Variants in DNAH17 observed in about 807,000 individuals in gnomAD.
DNAH17 encodes axonemal beta dynein heavy chain 17.
In DNAH17, 376 loss-of-function variants were observed where a neutral mutation model predicts 485.6. The ratio of observed to expected loss-of-function variants is 0.77; its 90% CI spans 0.71 to 0.84. DNAH17 has a LOEUF of 0.84. DNAH17 is among the 40% of genes least tolerant of loss of function. The pLI, the probability that DNAH17 is intolerant of heterozygous loss-of-function variation, is 0.00. For missense variants in DNAH17, 6,370 were observed against 5,839.3 expected (o/e 1.09, Z -2.96); for synonymous variants, 3,031 against 2,405.9 (o/e 1.26, Z -7.60).
rs537190351 is a variant in DNAH17, at chr17:78,472,529, G to T, written c.8511+2749C>A. On this transcript the variant is annotated intron_variant, in intron 54 of 80. Coordinates refer to ENST00000389840, the MANE Select transcript of DNAH17 (RefSeq NM_173628.4). ...CCACGGCCCCTCATTCTGCTGACAG[G>T]CTTTCTTCATGGGGCAGCCCAGCTC... is the stretch of plus-strand genomic sequence containing the variant. 6.7e-5 allele frequency: 19 copies of T among 281,824 alleles called. 1 individual carries two copies. Among genetic ancestry groups the T allele is most frequent in the Middle Eastern group, 1.2e-3 (1 of 810 alleles). The allele number at this position is 281,824 out of a possible 1,614,324, so 17.5% of individuals were successfully genotyped here.
chr17:78,520,385 AAG>A (rs1345222870), intron 25 of DNAH17, among the ~76,000 whole-genome samples: 1 of 152,232 alleles, frequency 6.6e-6, no homozygotes, highest in African/African-American at 2.4e-5. Context: ...TAAGGCAAGA[AAG>A]AGAAGTAAAA....
intron 75 of DNAH17, among the ~76,000 whole-genome samples, chr17:78,429,708 C>T (rs995697485): frequency 1.3e-5 from 2 of 152,202 alleles, no homozygotes; most frequent in Admixed American, 1.3e-4. Context: ...ATCTGAGACT[C>T]TGCCCTTCAC....
chr17:78,483,967 G>A (rs766267871), intron 48 of DNAH17, among the ~76,000 whole-genome samples: 3 of 151,436 alleles, frequency 2.0e-5, no homozygotes, highest in Non-Finnish European at 2.9e-5. Context: ...GTGGTGGTGG[G>A]CACCTGTATT....
intron 20 of DNAH17, among the ~76,000 whole-genome samples, chr17:78,531,320 T>G (rs1268399453): frequency 6.6e-6 from 1 of 151,974 alleles, no homozygotes; most frequent in African/African-American, 2.4e-5. Flanking sequence ...TTTTACTGTT[T>G]GTGACATAAA....
chr17:78,561,850 A>T lies in DNAH17; in HGVS notation c.1700T>A (p.Met567Lys), dbSNP rs1053496667. ...DNAKILYDAQ[M>K]AASEEGNIPL... is the part of the protein sequence containing the mutation. The stretch of plus-strand genomic sequence containing the variant: ...GATGTTCCCCTCCTCGGAGGCCGCC[A>T]TCTGGGCATCGTACAAGATCTTAGC... Residue 567 changes from methionine (M) to lysine (K), a missense_variant, in exon 12 of 81, where the codon ATG (methionine) becomes AAG (lysine). Physicochemically the swap from Met to Lys is moderately conservative, Grantham distance 95. Transcript: ENST00000389840. The T allele has an allele frequency of 3.1e-6, 5 of 1,613,838 alleles. No homozygotes were observed. The highest frequency in any genetic ancestry group is 1.6e-4 in the Middle Eastern group (1 of 6,084).
chr17:78,477,168 G>T (rs1240322945), intron 51 of DNAH17, among the ~76,000 whole-genome samples: 1 of 152,200 alleles, frequency 6.6e-6, no homozygotes, highest in Non-Finnish European at 1.5e-5. Flanking sequence ...TGAGGGCCTG[G>T]AATTTCCCAG....
intron 42 of DNAH17, among the ~76,000 whole-genome samples, 169 bp from the exon 43 acceptor site, chr17:78,491,739 T>C (rs1386837008): frequency 2.6e-5 from 4 of 152,158 alleles, no homozygotes; most frequent in African/African-American, 9.7e-5. Flanking sequence ...CTCCGTTCTC[T>C]GTGGCCTCCC....
intron 16 of DNAH17, among the ~76,000 whole-genome samples, chr17:78,545,022 C>G (rs1300885970): frequency 6.6e-6 from 1 of 152,026 alleles, no homozygotes; most frequent in Non-Finnish European, 1.5e-5. Flanking sequence ...CATGAGGGAA[C>G]CTCACCTTTC....
intron 19 of DNAH17, among the ~76,000 whole-genome samples, chr17:78,535,152 T>C (rs1465597326): frequency 6.6e-6 from 1 of 151,994 alleles, no homozygotes; most frequent in African/African-American, 2.4e-5. Flanking sequence ...AGCCCAGGGG[T>C]GGAGCAGCTC....
In DNAH17 at chr17:78,560,843, T is replaced by C. The variant is rs1356057677; in HGVS notation, c.1928A>G (p.Gln643Arg). The change falls in exon 13 of 81, where the codon CAG (glutamine) becomes CGG (arginine). Residue 643 changes from glutamine to arginine, a missense_variant. Transcript: ENST00000389840. ...LRCHREKIYQ[Q>R]WVAGVDQDCH... ...GTCCTGGTCCACGCCCGCCACCCAC[T>C]GCTGGTAGATCTTCTCGCGGTGGCA... The C allele has an allele frequency of 1.3e-6, 2 of 1,551,756 alleles. No homozygotes were observed. Among genetic ancestry groups the C allele is most frequent in the African/African-American group, 1.4e-5 (1 of 73,044 alleles).
chr17:78,479,368 A>T, intron 50 of DNAH17, 117 bp downstream of exon 50: 2 of 1,302,588 alleles, frequency 1.5e-6, no homozygotes, highest in Non-Finnish European at 2.0e-6. Context: ...CATCGTTTTT[A>T]AGATATTGAT....
intron 77 of DNAH17, 173 bp downstream of exon 77, chr17:78,428,352 T>C: frequency 1.3e-6 from 1 of 769,606 alleles, no homozygotes; most frequent in East Asian, 2.7e-5. Context: ...TCTGAGGACC[T>C]GCTGACCAGC....
chr17:78,549,532 G>A (rs1019141288), intron 16 of DNAH17, among the ~76,000 whole-genome samples: 10 of 152,156 alleles, frequency 6.6e-5, no homozygotes, highest in African/African-American at 9.7e-5. Context: ...CTTCCTTGGT[G>A]CCCAGAGACC....
Position 78,455,657 on chromosome 17 carries a change from A to G in DNAH17, c.10157T>C (p.Ile3386Thr), listed in dbSNP as rs931516988. 3 of 1,553,768 alleles carry G rather than the reference A, an allele frequency of 1.9e-6. No homozygotes were observed. The highest frequency in any genetic ancestry group is 1.2e-5 in the South Asian group (1 of 84,002). ...TCCACTCCTTACCTTTAAGTTATGT[A>G]TGTAAGGGATCCAGAATTTCTCCAT... ...ELMEKFWIPY[I>T]HNLKVPIPIT... is the part of the protein sequence containing the mutation. Residue 3386 changes from isoleucine to threonine, a missense_variant, in exon 63 of 81, where the codon ATA becomes ACA. Coordinates refer to ENST00000389840, the MANE Select transcript of DNAH17 (RefSeq NM_173628.4).
Position 78,480,013 on chromosome 17 carries a change from CTTTTTTTTTTTTTTTTTTT to C in DNAH17, c.7753-400_7753-382del, listed in dbSNP as rs370344478. Among the ~76,000 whole-genome samples the C allele has an allele frequency of 6.5e-4, 46 of 70,538 alleles. 1 individual carries two copies. The highest frequency in any genetic ancestry group is 1.4e-3 in the African/African-American group (33 of 23,652). The allele number at this position is 70,538 out of a possible 152,430, so 46.3% of individuals were successfully genotyped here. ...CTGAATTTCAGATAAACAACAAGTACTTTTTTTTTTTTTTTTTTTTTTTTTTTTTTTTTTTTAAAAAAAG... is the reference window on the plus strand; with the variant it reads ...CTGAATTTCAGATAAACAACAAGTACTTTTTTTTTTTTTTTTTAAAAAAAG... On this transcript the variant is annotated intron_variant, in intron 49 of 80. Coordinates refer to ENST00000389840, the MANE Select transcript of DNAH17 (RefSeq NM_173628.4).
At chr17:78,564,589 G>T (rs910448450) in intron 11 of DNAH17, among the ~76,000 whole-genome samples, 3 of 152,042 alleles carry the variant, frequency 2.0e-5, no homozygotes, top group African/African-American at 7.2e-5. Flanking sequence ...ACGCTTTTGT[G>T]TTATCCTTCA....
intron 76 of DNAH17, 149 bp downstream of exon 76, chr17:78,428,972 C>A (rs1362997338): frequency 3.0e-6 from 2 of 675,976 alleles, no homozygotes; most frequent in African/African-American, 1.9e-5. Flanking sequence ...CCTTGTGCTT[C>A]TTCCAAGTGA....
In DNAH17 at chr17:78,486,069, G is replaced by A; in HGVS notation, c.7166C>T (p.Pro2389Leu). The change falls in exon 46 of 81, where the codon CCC becomes CTC. Residue 2389 changes from proline to leucine, a missense_variant. By Grantham distance (98) the Pro-to-Leu change is moderately conservative (BLOSUM62 -3). Coordinates refer to ENST00000389840, the MANE Select transcript of DNAH17 (RefSeq NM_173628.4). ...WINEFKTIKF[P>L]SQGTIFDYYI... is the part of the protein sequence containing the mutation. ...GTAGTCAAAAATCGTTCCCTGCGAG[G>A]GGAACTTGATAGTCTTGAATTCGTT... The A allele has an allele frequency of 8.1e-6, 13 of 1,613,936 alleles. No individual in the cohort carries two copies. The highest frequency in any genetic ancestry group is 1.1e-5 in the Non-Finnish European group (13 of 1,179,888).
intron 56 of DNAH17, among the ~76,000 whole-genome samples, chr17:78,465,853 A>G (rs2088420442): frequency 1.4e-5 from 2 of 145,286 alleles, no homozygotes; most frequent in East Asian, 2.1e-4. Context: ...CCGGGAGGTG[A>G]GGGGCGCCTC....
Sources: gnomAD v4.1 joint callset for allele counts (sites outside exome capture counted in the v4.1 genomes callset) on GRCh38, gnomAD v4.1.1 for gene constraint, MANE v1.5 for transcripts, NCBI Gene and HGNC (gene_info 2026-07-23, HGNC 2026-07-21) for gene names.